UNC5B: variants seen among roughly 807,000 people sequenced by gnomAD.
UNC5B encodes netrin receptor UNC5B.
In UNC5B, 56 loss-of-function variants were observed where a neutral mutation model predicts 103.7. The observed-to-expected ratio is 0.54, with a 90% CI of 0.44 to 0.67. UNC5B has a LOEUF of 0.67. Among genes scored for constraint, UNC5B ranks in the 30% least tolerant of loss-of-function variants. The pLI is 0.00. For missense variants in UNC5B, 1,194 were observed against 1,284.5 expected (o/e 0.93, Z 1.08); for synonymous variants, 577 against 542.0 (o/e 1.06, Z -0.90).
At chr10:71,283,438 C>G (rs183996142) in intron 2 of UNC5B, among the ~76,000 whole-genome samples, 144 of 152,320 alleles carry the variant, frequency 9.5e-4, no homozygotes, top group African/African-American at 3.1e-3. Context: ...ACAAAGGTCA[C>G]CCAGCTGGGG....
At chr10:71,271,704 ACTT>A (rs1261742927) in intron 1 of UNC5B, among the ~76,000 whole-genome samples, 1 of 151,988 alleles carries the variant, frequency 6.6e-6, no homozygotes, top group Non-Finnish European at 1.5e-5. Flanking sequence ...CCTCCCATCC[ACTT>A]CTTCACCTGC....
intron 7 of UNC5B, 50 bp from the exon 8 acceptor site, chr10:71,288,908 C>G: frequency 8.7e-6 from 14 of 1,604,056 alleles, no homozygotes; most frequent in African/African-American, 1.3e-5. Flanking sequence ...TCTCTGCCAC[C>G]CTTTCCCTGT....
At chr10:71,274,292 G>A (rs974424673) in intron 1 of UNC5B, among the ~76,000 whole-genome samples, 3 of 152,084 alleles carry the variant, frequency 2.0e-5, no homozygotes, top group African/African-American at 7.2e-5. Context: ...CCCGGGAGGC[G>A]GAGGTTGCAG....
intron 1 of UNC5B, among the ~76,000 whole-genome samples, chr10:71,269,785 G>T (rs1844602244): frequency 6.6e-6 from 1 of 151,694 alleles, no homozygotes; most frequent in African/African-American, 2.4e-5. Context: ...AGGGAGGTGA[G>T]CCTGCCAAGA....
intron 1 of UNC5B, among the ~76,000 whole-genome samples, chr10:71,255,950 C>T (rs539856473): frequency 6.6e-6 from 1 of 152,360 alleles, no homozygotes; most frequent in Admixed American, 6.5e-5. Context: ...GGGAGGAAAT[C>T]GACTATGTAT....
chr10:71,263,221 C>T (rs756707657), intron 1 of UNC5B, among the ~76,000 whole-genome samples: 1 of 152,202 alleles, frequency 6.6e-6, no homozygotes, highest in Non-Finnish European at 1.5e-5. Context: ...AGTCTGTAGA[C>T]TTGGTGCTCA....
chr10:71,287,172 A>G (rs1845110617), intron 5 of UNC5B, among the ~76,000 whole-genome samples: 2 of 152,178 alleles, frequency 1.3e-5, no homozygotes, highest in Non-Finnish European at 2.9e-5. Context: ...GTTAAGGACC[A>G]TTGCCCAGGC....
At chr10:71,286,603 C>T (rs766308230) in intron 4 of UNC5B, 86 bp from the exon 5 acceptor site, 4 of 1,529,472 alleles carry the variant, frequency 2.6e-6, no homozygotes, top group African/African-American at 1.4e-5. Context: ...ACGACTATGG[C>T]GTGGACCCAG....
intron 1 of UNC5B, among the ~76,000 whole-genome samples, chr10:71,272,729 T>G (rs1844676378): frequency 6.6e-6 from 1 of 152,190 alleles, no homozygotes; most frequent in Admixed American, 6.5e-5. Flanking sequence ...GGCTCCAGGC[T>G]CTCTGAACGT....
In UNC5B at chr10:71,284,788, G is replaced by T; in HGVS notation, c.373G>T (p.Asp125Tyr). Residue 125 changes from aspartate to tyrosine, a missense_variant, in exon 3 of 17, where the codon GAT becomes TAT. By Grantham distance (160) the Asp-to-Tyr change is radical. Transcript: ENST00000335350. ...QQVEELFGLEDYWCQCVAWSS... is the reference protein window; with the variant it reads ...QQVEELFGLEYYWCQCVAWSS... ...GGTGGAGGAGCTCTTTGGGCTGGAG[G>T]ATTACTGGTGCCAGTGCGTGGCCTG... The T allele has an allele frequency of 6.2e-7, 1 of 1,613,946 alleles. No individual in the cohort carries two copies. The highest frequency in any genetic ancestry group is 8.5e-7 in the Non-Finnish European group (1 of 1,179,956).
chr10:71,267,404 G>C (rs1200419014), intron 1 of UNC5B, among the ~76,000 whole-genome samples: 7 of 152,204 alleles, frequency 4.6e-5, no homozygotes, highest in Admixed American at 2.0e-4. Flanking sequence ...AAAGTGAGCT[G>C]ATTCCTTGGC....
chr10:71,292,461 C>T lies in UNC5B; in HGVS notation c.1685-6C>T, dbSNP rs1199946206. On this transcript the variant is annotated splice_region_variant and splice_polypyrimidine_tract_variant and intron_variant, in intron 10 of 16. Coordinates refer to ENST00000335350, the MANE Select transcript of UNC5B (RefSeq NM_170744.5). ...GGACTCCCTGCTGACTTCCCTCTCC[C>T]CCTAGGGGTCAGCTTGCTGGTGCCC... 2.5e-6 allele frequency: 4 copies of T among 1,587,316 alleles called. No homozygotes were observed. Among genetic ancestry groups the T allele is most frequent in the Non-Finnish European group, 1.7e-6 (2 of 1,165,886 alleles).
Position 71,302,706 on chromosome 10 carries a change from G to A in UNC5B, c.*3429G>A, listed in dbSNP as rs1244322792. ...GGACCCCTGCCAGGTCTGTGGACATGGTTATATGCCCGGGAGAGGGGGGTG... is the reference window on the plus strand; with the variant it reads ...GGACCCCTGCCAGGTCTGTGGACATAGTTATATGCCCGGGAGAGGGGGGTG... On this transcript the variant is annotated 3_prime_UTR_variant, in exon 17 of 17. Coordinates refer to ENST00000335350, the MANE Select transcript of UNC5B (RefSeq NM_170744.5). 1 of 152,158 alleles carries A rather than the reference G, an allele frequency of 6.6e-6. No individual in the cohort carries two copies. The highest frequency in any genetic ancestry group is 6.5e-5 in the Admixed American group (1 of 15,300). 9.4% of individuals were successfully genotyped at this position (152,158 alleles called of 1,614,324 possible).
At chr10:71,218,492 G>A (rs1409604739) in intron 1 of UNC5B, among the ~76,000 whole-genome samples, 2 of 152,244 alleles carry the variant, frequency 1.3e-5, no homozygotes, top group Non-Finnish European at 2.9e-5. Flanking sequence ...TGCACTGTGA[G>A]CAGGGTTTGG....
chr10:71,219,605 C>A (rs1843411094), intron 1 of UNC5B, among the ~76,000 whole-genome samples: 1 of 152,140 alleles, frequency 6.6e-6, no homozygotes, highest in Admixed American at 6.5e-5. Flanking sequence ...TTGGCAACAC[C>A]CTCACAGACA....
chr10:71,296,670 C>T lies in UNC5B; in HGVS notation c.2418C>T (p.Leu806=), dbSNP rs777803840. 3.7e-6 allele frequency: 6 copies of T among 1,613,830 alleles called. No homozygotes were observed. Residue 806 remains leucine (L), a synonymous_variant, in exon 15 of 17, where the codon CTC becomes CTT. Transcript: ENST00000335350. ...LERHSLASTE[L]TCKICVRQVE... is the part of the protein sequence containing the mutation. ...GGCACAGCTTGGCCTCCACAGAGCT[C>T]ACCTGCAAGATCTGCGTGCGGCAAG...
chr10:71,279,137 G>A (rs1398137857), intron 1 of UNC5B, among the ~76,000 whole-genome samples: 2 of 152,220 alleles, frequency 1.3e-5, no homozygotes, highest in Non-Finnish European at 2.9e-5. Flanking sequence ...TGGGGTGGGG[G>A]TTGGGAAGAA....
intron 1 of UNC5B, among the ~76,000 whole-genome samples, chr10:71,214,754 G>A (rs1452708518): frequency 2.0e-5 from 3 of 152,146 alleles, no homozygotes; most frequent in African/African-American, 7.2e-5. Context: ...TAGTTCTCTG[G>A]GTGGGTGGGC....
chr10:71,288,430 CAT>C (rs1564510754), intron 6 of UNC5B, 136 bp from the exon 7 acceptor site: 4 of 1,286,784 alleles, frequency 3.1e-6, no homozygotes, highest in African/African-American at 1.5e-5. Context: ...GTGTGGCACA[CAT>C]GTGTTCTGGG....
Sources: allele counts gnomAD v4.1 joint callset (sites outside exome capture counted in the v4.1 genomes callset), GRCh38; gene constraint gnomAD v4.1.1; transcripts MANE v1.5; gene names NCBI Gene and HGNC (gene_info 2026-07-23, HGNC 2026-07-21).